DNAAF6: variants seen among roughly 807,000 people sequenced by gnomAD.
DNAAF6 encodes the protein PIH1 domain containing 3.
A neutral mutation model predicts 13.7 loss-of-function variants in DNAAF6; 3 were observed. The ratio of observed to expected loss-of-function variants is 0.22; its 90% CI spans 0.10 to 0.56. The LOEUF (loss-of-function observed/expected upper bound fraction) is 0.56. DNAAF6 is among the 20% of genes least tolerant of loss of function. DNAAF6 has a pLI of 0.92. For synonymous variants in DNAAF6, 54 were observed against 49.2 expected, an observed-to-expected ratio of 1.10 and a Z score of -0.41; for missense variants, 130 against 151.0, an observed-to-expected ratio of 0.86 and a Z score of 0.73.
chrX:107,242,279 A>G (rs986896166), intron 6 of DNAAF6, among the ~76,000 whole-genome samples: 6 of 112,095 alleles, frequency 5.4e-5, no homozygotes, highest in Non-Finnish European at 1.1e-4. Flanking sequence ...GAAGGAATTG[A>G]TTTTCAAGGG....
intron 4 of DNAAF6, 66 bp from the exon 5 acceptor site, chrX:107,222,679 T>C: frequency 8.7e-7 from 1 of 1,148,870 alleles, no homozygotes; most frequent in Non-Finnish European, 1.2e-6. Flanking sequence ...AAGTTACTAG[T>C]TTTCTTTTCT....
At chrX:107,208,416 G>A (rs1927768500) in intron 1 of DNAAF6, among the ~76,000 whole-genome samples, 1 of 109,599 alleles carries the variant, frequency 9.1e-6, no homozygotes, top group Non-Finnish European at 1.9e-5. Flanking sequence ...CTGGGCTACA[G>A]CAAGACCCTG....
chrX:107,225,562 T>G (rs1556035068), intron 5 of DNAAF6, among the ~76,000 whole-genome samples: 1 of 111,014 alleles, frequency 9.0e-6, no homozygotes, highest in South Asian at 3.8e-4. Context: ...TATGTAACAA[T>G]CCAATCCAAA....
intron 5 of DNAAF6, among the ~76,000 whole-genome samples, chrX:107,238,213 T>C (rs893241338): frequency 9.0e-6 from 1 of 111,304 alleles, no homozygotes. Flanking sequence ...TTGGGTTGCT[T>C]ACACCTTTTG....
intron 1 of DNAAF6, among the ~76,000 whole-genome samples, chrX:107,212,020 G>T (rs1204920013): frequency 9.0e-6 from 1 of 111,258 alleles, no homozygotes; most frequent in Non-Finnish European, 1.9e-5. Flanking sequence ...TGCTTCATTT[G>T]GTATTAATCA....
intron 5 of DNAAF6, 54 bp downstream of exon 5, chrX:107,222,895 A>T: frequency 2.6e-6 from 3 of 1,157,088 alleles, no homozygotes; most frequent in South Asian, 2.3e-5. Context: ...AGCTAAATTG[A>T]CTGACTATTA....
intron 5 of DNAAF6, among the ~76,000 whole-genome samples, chrX:107,234,826 T>C (rs1478330697): frequency 8.9e-6 from 1 of 111,830 alleles, no homozygotes; most frequent in Non-Finnish European, 1.9e-5. Context: ...ACACCTGCTA[T>C]TTGGACTTCT....
Position 107,239,781 on chromosome X carries a change from T to C in DNAAF6, c.515+774T>C, listed in dbSNP as rs755673090. ...GGTCTACAGATAAATATATATCAAA[T>C]GTTTTCTTATTATTTACATCATTTC... On this transcript the variant is annotated intron_variant, in intron 6 of 6. Transcript: ENST00000372453. 4.5e-5 allele frequency among the ~76,000 whole-genome samples: 5 copies of C among 112,116 alleles called. No homozygotes were observed. In the South Asian group the frequency reaches 1.8e-3, roughly 41 times the overall value.
At position 107,212,932 on chromosome X, in the gene DNAAF6, A is replaced by C. The variant is rs1481935099; in HGVS notation, c.57A>C (p.Gln19His). Residue 19 changes from glutamine to histidine, a missense_variant, in exon 2 of 7, where the codon CAA becomes CAC. Physicochemically the swap from Gln to His is conservative, Grantham distance 24. Transcript: ENST00000372453. ...TGAAGACAGAAAATATGGAATCTCA[A>C]AATGTAGACTTTGAGAGTGTTTCTT... ...ENMKTENMES[Q>H]NVDFESVSSV... 1 of 1,204,786 alleles carries C rather than the reference A, an allele frequency of 8.3e-7. No homozygotes were observed. Among genetic ancestry groups the C allele is most frequent in the African/African-American group, 1.8e-5 (1 of 57,141 alleles).
At chrX:107,221,317 C>T (rs773336601) in intron 4 of DNAAF6, among the ~76,000 whole-genome samples, 8 of 109,709 alleles carry the variant, frequency 7.3e-5, no homozygotes, top group South Asian at 4.0e-4. Context: ...CCCCCGGCCC[C>T]GCCCATTGTT....
intron 1 of DNAAF6, among the ~76,000 whole-genome samples, chrX:107,209,742 T>C (rs1430113682): frequency 8.9e-6 from 1 of 112,248 alleles, no homozygotes; most frequent in Non-Finnish European, 1.9e-5. Flanking sequence ...CCCTGCTTGG[T>C]GGTTCTTTAT....
At chrX:107,210,319 A>G (rs1927824045) in intron 1 of DNAAF6, among the ~76,000 whole-genome samples, 1 of 112,416 alleles carries the variant, frequency 8.9e-6, no homozygotes, top group Non-Finnish European at 1.9e-5. Context: ...TCCTTACTTT[A>G]AGTTTATTCT....
chrX:107,216,832 A>T (rs1159169725), intron 3 of DNAAF6, 89 bp downstream of exon 3: 5 of 577,109 alleles, frequency 8.7e-6, no homozygotes, highest in South Asian at 4.9e-5. Context: ...TAATACTAGT[A>T]TTTATTAAGA....
intron 1 of DNAAF6, among the ~76,000 whole-genome samples, chrX:107,209,613 T>C (rs1207555626): frequency 9.0e-6 from 1 of 111,545 alleles, no homozygotes; most frequent in East Asian, 2.8e-4. Flanking sequence ...TTGTGTTTTT[T>C]AGTAGAGTCG....
At chrX:107,235,825 G>A (rs749549555) in intron 5 of DNAAF6, among the ~76,000 whole-genome samples, 2 of 111,298 alleles carry the variant, frequency 1.8e-5, no homozygotes, top group East Asian at 5.6e-4. Flanking sequence ...TAGATGACCA[G>A]TAAACAATAA....
intron 1 of DNAAF6, chrX:107,207,086 T>C (rs1927722120): frequency 8.9e-6 from 1 of 111,824 alleles, no homozygotes; most frequent in Admixed American, 9.5e-5. Context: ...TATTTTCTTA[T>C]AGGAGGACCT....
At chrX:107,240,642 G>T (rs760004154) in intron 6 of DNAAF6, among the ~76,000 whole-genome samples, 100 of 111,460 alleles carry the variant, frequency 9.0e-4, no homozygotes, top group African/African-American at 3.1e-3. Context: ...TAAAACCCAG[G>T]TATTTACCAA....
chrX:107,240,021 G>A (rs757551661), intron 6 of DNAAF6, among the ~76,000 whole-genome samples: 1 of 111,876 alleles, frequency 8.9e-6, no homozygotes, highest in Admixed American at 9.5e-5. Context: ...ACACCATGGG[G>A]TTAATTTCCG....
intron 2 of DNAAF6, among the ~76,000 whole-genome samples, chrX:107,214,166 A>G: frequency 8.9e-6 from 1 of 111,970 alleles, no homozygotes; most frequent in Non-Finnish European, 1.9e-5. Flanking sequence ...GTAGAGGCTA[A>G]ACAAAGAAAC....
Sources: allele counts gnomAD v4.1 joint callset (sites outside exome capture counted in the v4.1 genomes callset), GRCh38; gene constraint gnomAD v4.1.1; transcripts MANE v1.5; gene names NCBI Gene and HGNC (gene_info 2026-07-23, HGNC 2026-07-21).